The following CNTLN variants were observed in gnomAD, a reference collection of about 807,000 sequenced individuals.
The protein encoded by CNTLN is centlein, centrosomal protein.
In CNTLN, 212 loss-of-function variants were observed where a neutral mutation model predicts 180.0. The observed-to-expected ratio is 1.18, with a 90% CI of 1.05 to 1.32. The LOEUF (loss-of-function observed/expected upper bound fraction) is 1.32. Ranked by LOEUF, CNTLN falls within the 40% of genes most tolerant of loss-of-function variation. CNTLN has a pLI of 0.00. For missense variants in CNTLN, 2,095 were observed against 1,610.9 expected (o/e 1.30, Z -5.14); for synonymous variants, 722 against 563.1 (o/e 1.28, Z -3.99).
intron 15 of CNTLN, among the ~76,000 whole-genome samples, chr9:17,398,236 T>C (rs549547883): frequency 1.3e-5 from 2 of 152,272 alleles, no homozygotes; most frequent in South Asian, 2.1e-4. Context: ...TGTAGTGTTA[T>C]TGAATAAAAG....
intron 12 of CNTLN, among the ~76,000 whole-genome samples, chr9:17,351,647 C>T (rs1380157571): frequency 6.6e-6 from 1 of 152,112 alleles, no homozygotes; most frequent in Non-Finnish European, 1.5e-5. Flanking sequence ...TTTCCATCCT[C>T]ACTGTTACGC....
chr9:17,236,494 C>A lies in CNTLN; in HGVS notation c.755C>A (p.Thr252Asn). ...GAGGAGGAAAACAAGAAATTAAGTA[C>A]CCGCTGCACTGACCTGCTAAATGAC... is the stretch of plus-strand genomic sequence containing the variant. ...NLEEENKKLS[T>N]RCTDLLNDLE... The change falls in exon 5 of 26, where the codon ACC (threonine) becomes AAC (asparagine). Residue 252 changes from threonine to asparagine, a missense_variant. By Grantham distance (65) the Thr-to-Asn change is moderately conservative (BLOSUM62 0). Transcript: ENST00000380647. 1 of 1,613,426 alleles carries A rather than the reference C, an allele frequency of 6.2e-7. No homozygotes were observed.
Position 17,405,326 on chromosome 9 carries a change from C to A in CNTLN, c.2616-3967C>A, listed in dbSNP as rs7856685. On this transcript the variant is annotated intron_variant, in intron 15 of 25. Transcript: ENST00000380647. ...TTTTGTGTTGCTATAACAACACACA[C>A]AAAAAAATACCACAGACTGGATAAC... Among the ~76,000 whole-genome samples, 289 of 151,688 alleles carry A rather than the reference C, an allele frequency of 1.9e-3. 11 individuals carry two copies. The highest frequency in any genetic ancestry group is 6.5e-3 in the African/African-American group (269 of 41,148).
intron 1 of CNTLN, among the ~76,000 whole-genome samples, chr9:17,140,581 C>A (rs10962883): frequency 1.3e-5 from 2 of 152,216 alleles, no homozygotes; most frequent in South Asian, 4.2e-4. Flanking sequence ...GCTGGAACTA[C>A]AGGCGTATTC....
chr9:17,433,806 C>T (rs1163494669), intron 18 of CNTLN, among the ~76,000 whole-genome samples: 2 of 152,056 alleles, frequency 1.3e-5, no homozygotes, highest in South Asian at 2.1e-4. Context: ...GTCTTGAATA[C>T]CTGGCCTCAA....
rs1825091220 is a variant in CNTLN at position 17,235,576 on chromosome 9, A to G, written c.535-82A>G. 4.3e-6 allele frequency: 5 copies of G among 1,171,588 alleles called. No individual in the cohort carries two copies. In the South Asian group the frequency reaches 7.1e-5, roughly 17 times the overall value. 72.6% of individuals were successfully genotyped at this position (1,171,588 alleles called of 1,614,324 possible). A position where few individuals can be genotyped will look rare whatever the true frequency, so the allele number is the denominator to read the frequency against. ...AGCTATTTAATCATCACATTAGCAA[A>G]TCAAAATGTAAAACCTTTAAAATAA... is the stretch of plus-strand genomic sequence containing the variant. On this transcript the variant is annotated intron_variant, in intron 3 of 25. Coordinates refer to ENST00000380647, the MANE Select transcript of CNTLN (RefSeq NM_017738.4).
chr9:17,218,679 G>T lies in CNTLN; in HGVS notation c.450-7524G>T, dbSNP rs190881181. ...GTTCTCTACTCAAATGAAAGAAAACGTTAGTCCAATAAATAGCTTTATTTT... is the reference window on the plus strand; with the variant it reads ...GTTCTCTACTCAAATGAAAGAAAACTTTAGTCCAATAAATAGCTTTATTTT... On this transcript the variant is annotated intron_variant, in intron 2 of 25. Transcript: ENST00000380647. Among the ~76,000 whole-genome samples, 235 of 152,176 alleles carry T rather than the reference G, an allele frequency of 1.5e-3. 1 individual carries two copies. The highest frequency in any genetic ancestry group is 5.2e-3 in the African/African-American group (216 of 41,556).
At chr9:17,216,254 C>G (rs1034125861) in intron 2 of CNTLN, among the ~76,000 whole-genome samples, 3 of 152,206 alleles carry the variant, frequency 2.0e-5, no homozygotes, top group Admixed American at 6.5e-5. Flanking sequence ...AGTCAGGTAA[C>G]TGGATTTGTA....
intron 5 of CNTLN, among the ~76,000 whole-genome samples, chr9:17,248,477 C>G (rs1010987576): frequency 6.7e-6 from 1 of 149,574 alleles, no homozygotes; most frequent in African/African-American, 2.4e-5. Context: ...AGCTATTTGT[C>G]CATTTTATCT....
chr9:17,370,604 C>A (rs1824234807), intron 13 of CNTLN, among the ~76,000 whole-genome samples: 1 of 152,056 alleles, frequency 6.6e-6, no homozygotes, highest in African/African-American at 2.4e-5. Flanking sequence ...AGTAATAAAT[C>A]ATCTGAAGGT....
chr9:17,524,446 G>T, the CNTLN span, among the ~76,000 whole-genome samples: 1 of 152,140 alleles, frequency 6.6e-6, no homozygotes, highest in Non-Finnish European at 1.5e-5. Context: ...ATTGAATAAG[G>T]CCTTCCCATA....
At chr9:17,437,781 A>G (rs1008440874) in intron 18 of CNTLN, among the ~76,000 whole-genome samples, 1 of 152,158 alleles carries the variant, frequency 6.6e-6, no homozygotes, top group African/African-American at 2.4e-5. Flanking sequence ...GTATAATAAT[A>G]AAAGGAAACT....
At chr9:17,313,177 ATTC>A (rs1198396778) in intron 8 of CNTLN, among the ~76,000 whole-genome samples, 1 of 152,108 alleles carries the variant, frequency 6.6e-6, no homozygotes, top group African/African-American at 2.4e-5. Flanking sequence ...TAACTTTCTC[ATTC>A]TTTTAATTTC....
chr9:17,281,717 T>C (rs1828676428), intron 6 of CNTLN, among the ~76,000 whole-genome samples: 1 of 152,184 alleles, frequency 6.6e-6, no homozygotes, highest in African/African-American at 2.4e-5. Flanking sequence ...TCAATGTCTT[T>C]GCTATTGTGA....
In CNTLN at chr9:17,394,796, C is replaced by T. The variant is rs377754640; in HGVS notation, c.2342C>T (p.Ala781Val). 27 of 1,613,758 alleles carry T rather than the reference C, an allele frequency of 1.7e-5. No individual in the cohort carries two copies. Among genetic ancestry groups the T allele is most frequent in the African/African-American group, 9.4e-5 (7 of 74,852 alleles). The stretch of plus-strand genomic sequence containing the variant: ...TCCCTGAGGAGACAAGTGGCAGAAG[C>T]TAATGCATTGAGAAATGAAAATGAA... The part of the protein sequence containing the change: ...VTSLRRQVAE[A>V]NALRNENEEL... Residue 781 changes from alanine to valine, a missense_variant, in exon 15 of 26, where the codon GCT becomes GTT. By Grantham distance (64) the Ala-to-Val change is moderately conservative. Transcript: ENST00000380647.
intron 18 of CNTLN, among the ~76,000 whole-genome samples, chr9:17,426,747 A>G (rs1432960413): frequency 6.6e-6 from 1 of 151,962 alleles, no homozygotes; most frequent in East Asian, 1.9e-4. Flanking sequence ...TTGAGCCAGG[A>G]TGGGATGTTT....
chr9:17,358,311 T>G lies in CNTLN; in HGVS notation c.1887-8306T>G, dbSNP rs1823012310. On this transcript the variant is annotated intron_variant, in intron 12 of 25. Coordinates refer to ENST00000380647, the MANE Select transcript of CNTLN (RefSeq NM_017738.4). ...AACATGCATAAACTAGATCTAAACT[T>G]ATCAAAATAGAAATGCTTAAAAAGC... 2.6e-5 allele frequency among the ~76,000 whole-genome samples: 4 copies of G among 152,080 alleles called. No homozygotes were observed. In the South Asian group the frequency reaches 8.3e-4, roughly 31 times the overall value.
intron 2 of CNTLN, among the ~76,000 whole-genome samples, chr9:17,146,014 C>T (rs372718902): frequency 1.3e-5 from 2 of 152,192 alleles, no homozygotes; most frequent in South Asian, 2.1e-4. Context: ...ACCAAGGAGC[C>T]CATCAGTGTG....
chr9:17,495,811 C>T (rs1410954420), intron 25 of CNTLN, among the ~76,000 whole-genome samples: 2 of 152,042 alleles, frequency 1.3e-5, no homozygotes, highest in Non-Finnish European at 1.5e-5. Flanking sequence ...TTCACGGGTA[C>T]CATTTTATAA....
Sources: gnomAD v4.1 joint callset for allele counts (sites outside exome capture counted in the v4.1 genomes callset) on GRCh38, gnomAD v4.1.1 for gene constraint, MANE v1.5 for transcripts, NCBI Gene and HGNC (gene_info 2026-07-23, HGNC 2026-07-21) for gene names.